Variants in KLHL1 observed in about 807,000 individuals in gnomAD.
The protein encoded by KLHL1 is kelch-like protein 1.
Under a neutral mutation model 77.7 loss-of-function variants are expected in KLHL1, and 47 were observed. The ratio of observed to expected loss-of-function variants is 0.60; its 90% CI spans 0.48 to 0.77. KLHL1 has a LOEUF of 0.77. Ranked by LOEUF, KLHL1 falls within the 30% of genes least tolerant of loss-of-function variation. KLHL1 has a pLI of 0.00. For synonymous variants in KLHL1, 360 were observed against 325.2 expected, an observed-to-expected ratio of 1.11 and a Z score of -1.15; for missense variants, 925 against 910.8, an observed-to-expected ratio of 1.02 and a Z score of -0.20.
At chr13:69,852,241 T>C (rs1879718521) in intron 5 of KLHL1, among the ~76,000 whole-genome samples, 1 of 151,826 alleles carries the variant, frequency 6.6e-6, no homozygotes, top group African/African-American at 2.4e-5. Flanking sequence ...TCACACTCCA[T>C]CCGGAATAGG....
chr13:70,084,792 T>G (rs1887493325), intron 1 of KLHL1, among the ~76,000 whole-genome samples: 1 of 151,894 alleles, frequency 6.6e-6, no homozygotes, highest in East Asian at 1.9e-4. Context: ...TCATATTTTC[T>G]ACAGCCACTT....
Position 70,107,349 on chromosome 13 carries a change from C to A in KLHL1, c.351G>T (p.Arg117Ser), listed in dbSNP as rs745528454. 1.9e-6 allele frequency: 3 copies of A among 1,613,968 alleles called. No homozygotes were observed. The African/African-American group carries it at 4.0e-5, about 22-fold the overall frequency. Residue 117 changes from arginine to serine, a missense_variant, in exon 1 of 11, where the codon AGG (arginine) becomes AGT (serine). Physicochemically the swap from Arg to Ser is moderately radical, Grantham distance 110. Transcript: ENST00000377844. The stretch of plus-strand genomic sequence containing the variant: ...CTAGTGACTCCACGTAGAAGAGAGT[C>A]CTGGCTGGCTGCTGAGTGCCCTGCC... ...APGQGTQQPA[R>S]TLFYVESLEE...
chr13:69,773,417 C>G (rs903684757), intron 7 of KLHL1, among the ~76,000 whole-genome samples: 2 of 151,914 alleles, frequency 1.3e-5, no homozygotes, highest in Admixed American at 1.3e-4. Context: ...ATAGAACTTC[C>G]TATATTTTTC....
intron 1 of KLHL1, among the ~76,000 whole-genome samples, chr13:69,996,800 A>G (rs1285180698): frequency 1.3e-5 from 2 of 151,866 alleles, no homozygotes; most frequent in Non-Finnish European, 2.9e-5. Flanking sequence ...AGAGGGTAGG[A>G]GATAAATCTT....
chr13:69,877,963 T>C (rs1593911197), intron 5 of KLHL1, among the ~76,000 whole-genome samples: 2 of 152,150 alleles, frequency 1.3e-5, no homozygotes, highest in East Asian at 3.8e-4. Context: ...GGCCTACTAA[T>C]AAAACACATG....
chr13:69,767,046 G>GT (rs1432488939), intron 7 of KLHL1, among the ~76,000 whole-genome samples: 2 of 152,066 alleles, frequency 1.3e-5, no homozygotes, highest in Non-Finnish European at 2.9e-5. Context: ...TTTTTCTAGA[G>GT]TTTTTCTCCC....
At chr13:69,955,863 A>G (rs924063507) in intron 3 of KLHL1, among the ~76,000 whole-genome samples, 4 of 143,560 alleles carry the variant, frequency 2.8e-5, no homozygotes, top group African/African-American at 1.0e-4. Flanking sequence ...ATGAGAAAAT[A>G]CTAGCATATA....
intron 4 of KLHL1, among the ~76,000 whole-genome samples, chr13:69,935,186 G>C (rs1883140111): frequency 1.3e-5 from 2 of 151,700 alleles, no homozygotes; most frequent in Non-Finnish European, 2.9e-5. Flanking sequence ...CCACCTACTG[G>C]TGAACGTGGT....
rs577072076 is a variant in KLHL1, at chr13:69,749,098, T to C, written c.1640-8542A>G. ...TAGCTGCCTTATTATGTGATTCTCA[T>C]ATTTCTTGCAGCTGTGATGATTTCC... On this transcript the variant is annotated intron_variant, in intron 7 of 10. Transcript: ENST00000377844. Among the ~76,000 whole-genome samples the C allele has an allele frequency of 2.5e-4, 38 of 152,166 alleles. No homozygotes were observed. The East Asian group carries it at 6.2e-3, about 25-fold the overall frequency.
At chr13:69,923,574 A>G (rs961409717) in intron 4 of KLHL1, among the ~76,000 whole-genome samples, 1 of 152,196 alleles carries the variant, frequency 6.6e-6, no homozygotes, top group African/African-American at 2.4e-5. Context: ...TATTACTACT[A>G]TGTTATCTTT....
chr13:70,043,309 A>G (rs927226012), intron 1 of KLHL1, among the ~76,000 whole-genome samples: 1 of 152,204 alleles, frequency 6.6e-6, no homozygotes, highest in Non-Finnish European at 1.5e-5. Context: ...ACAGCTGAAC[A>G]ATGTGTATTT....
At position 69,978,313 on chromosome 13, in the gene KLHL1, T is replaced by G. The variant is rs192877462; in HGVS notation, c.498-2511A>C. ...CCAAAACTGCTCCAAAAGGAAACCC[T>G]GATGCTTCTTCTGCTTGGGTACGCA... is the stretch of plus-strand genomic sequence containing the variant. On this transcript the variant is annotated intron_variant, in intron 1 of 10. Coordinates refer to ENST00000377844, the MANE Select transcript of KLHL1 (RefSeq NM_020866.3). Among the ~76,000 whole-genome samples the G allele has an allele frequency of 6.5e-4, 98 of 151,730 alleles. 1 individual carries two copies. The East Asian group carries it at 9.8e-3, about 15-fold the overall frequency.
chr13:70,083,420 T>C lies in KLHL1; in HGVS notation c.497+23783A>G, dbSNP rs1484887545. ...CCTGGTCTCAAGCAATCCTCCCACC[T>C]TAGCTGAATAGCCAGGACTGCAAAC... is the stretch of plus-strand genomic sequence containing the variant. On this transcript the variant is annotated intron_variant, in intron 1 of 10. Coordinates refer to ENST00000377844, the MANE Select transcript of KLHL1 (RefSeq NM_020866.3). Among the ~76,000 whole-genome samples the C allele has an allele frequency of 2.0e-5, 3 of 152,196 alleles. No homozygotes were observed. The East Asian group carries it at 5.8e-4, about 29-fold the overall frequency.
At chr13:69,882,017 T>TATAG (rs145001040) in intron 5 of KLHL1, among the ~76,000 whole-genome samples, 8,697 of 152,170 alleles carry the variant, frequency 0.057, 627 homozygotes, top group African/African-American at 0.17. Context: ...GATCACATTT[T>TATAG]ATAAAGAGAT....
intron 6 of KLHL1, among the ~76,000 whole-genome samples, chr13:69,816,219 A>C (rs1413581098): frequency 6.6e-6 from 1 of 151,790 alleles, no homozygotes; most frequent in Admixed American, 6.6e-5. Context: ...CTGTGTGTGA[A>C]TGCAATTAAT....
chr13:69,991,313 AC>A (rs1359073463), intron 1 of KLHL1, among the ~76,000 whole-genome samples: 2 of 152,088 alleles, frequency 1.3e-5, no homozygotes, highest in African/African-American at 4.8e-5. Context: ...TCAGAGCTGA[AC>A]TGAAGAATAT....
chr13:69,751,475 G>C (rs1874476785), intron 7 of KLHL1, among the ~76,000 whole-genome samples: 2 of 152,002 alleles, frequency 1.3e-5, no homozygotes, highest in Admixed American at 6.6e-5. Flanking sequence ...CTAATATCTG[G>C]GGGAAGATTA....
intron 4 of KLHL1, among the ~76,000 whole-genome samples, chr13:69,901,628 T>C (rs1259049646): frequency 2.0e-5 from 3 of 152,126 alleles, no homozygotes; most frequent in Non-Finnish European, 4.4e-5. Context: ...TTTTAAAGGG[T>C]AAATAGTGAT....
At chr13:69,707,252 G>A (rs926663035) in intron 10 of KLHL1, among the ~76,000 whole-genome samples, 2 of 151,952 alleles carry the variant, frequency 1.3e-5, no homozygotes, top group Non-Finnish European at 2.9e-5. Flanking sequence ...TGCCAGGAAG[G>A]TTGATTTCTG....
Sources: gnomAD v4.1 joint callset for allele counts (sites outside exome capture counted in the v4.1 genomes callset) on GRCh38, gnomAD v4.1.1 for gene constraint, MANE v1.5 for transcripts, NCBI Gene and HGNC (gene_info 2026-07-23, HGNC 2026-07-21) for gene names.